The following FABP3 variants were observed in gnomAD, a reference collection of about 807,000 sequenced individuals.
FABP3 encodes fatty acid binding protein 3, also known as fatty acid-binding protein, heart.
FABP3 carries 8 observed loss-of-function variants against 13.4 expected under a neutral mutation model. The ratio of observed to expected loss-of-function variants is 0.60; its 90% CI spans 0.35 to 1.07. FABP3 has a LOEUF of 1.07. FABP3 is among the 50% of genes least tolerant of loss of function. The probability of loss-of-function intolerance (pLI) is 0.02; values close to 1 mark genes in which losing one functional copy is unlikely to be tolerated. For synonymous variants in FABP3, 64 were observed against 60.0 expected (o/e 1.07, Z -0.31); for missense variants, 135 against 164.7 (o/e 0.82, Z 0.99).
At chr1:31,362,178 C>T (rs778275649), downstream of FABP3, among the ~76,000 whole-genome samples, 11 of 151,996 alleles carry the variant, frequency 7.2e-5, no homozygotes, top group Non-Finnish European at 1.6e-4. Context: ...AGATGACTTG[C>T]CCACGGATGC....
At chr1:31,364,301 C>G (rs999856651), downstream of FABP3, 13 of 1,447,658 alleles carry the variant, frequency 9.0e-6, no homozygotes, top group Middle Eastern at 2.6e-4. Context: ...ACCCCATTAA[C>G]TTCGCTCCCA....
intron 1 of FABP3, among the ~76,000 whole-genome samples, chr1:31,371,054 G>C (rs1206216402): frequency 2.0e-5 from 3 of 152,224 alleles, no homozygotes; most frequent in Non-Finnish European, 4.4e-5. Flanking sequence ...CAAAACTGTT[G>C]ACTATTTTCA....
At chr1:31,364,349 G>T (rs3766293), downstream of FABP3, 6,651 of 1,343,978 alleles carry the variant, frequency 4.9e-3, 423 homozygotes, top group East Asian at 0.14. Context: ...GGCAGGTTTG[G>T]GAGTTAGAGG....
chr1:31,364,457 T>G, downstream of FABP3: 1 of 499,930 alleles, frequency 2.0e-6, no homozygotes, highest in Non-Finnish European at 3.4e-6. Context: ...CCCAACTTCC[T>G]TCATTCAGCA....
downstream of FABP3, among the ~76,000 whole-genome samples, chr1:31,363,594 C>A (rs1349222561): frequency 6.6e-6 from 1 of 152,120 alleles, no homozygotes; most frequent in Non-Finnish European, 1.5e-5. Context: ...GAGTTTGAGG[C>A]CAGCCTGGGC....
chr1:31,363,882 T>TG (rs1640026649), downstream of FABP3: 1 of 1,298,612 alleles, frequency 7.7e-7, no homozygotes, highest in South Asian at 1.7e-5. Flanking sequence ...AGGTTGATCT[T>TG]GAACTCCTGG....
At chr1:31,372,562 C>T (rs1464804071) in intron 1 of FABP3, among the ~76,000 whole-genome samples, 1 of 152,186 alleles carries the variant, frequency 6.6e-6, no homozygotes, top group African/African-American at 2.4e-5. Flanking sequence ...GCCCCATTCC[C>T]TTTCTGGGTT....
chr1:31,368,653 A>G (rs2148494935), intron 2 of FABP3, among the ~76,000 whole-genome samples: 1 of 152,348 alleles, frequency 6.6e-6, no homozygotes, highest in South Asian at 2.1e-4. Flanking sequence ...AAAGCCCTTA[A>G]GTTCTCTCGC....
At chr1:31,372,438 T>C (rs918603471) in intron 1 of FABP3, among the ~76,000 whole-genome samples, 6 of 152,176 alleles carry the variant, frequency 3.9e-5, no homozygotes, top group Non-Finnish European at 8.8e-5. Flanking sequence ...TTACTGCAGG[T>C]TCCTGTCTTA....
Position 31,365,884 on chromosome 1 carries a change from G to A in FABP3, c.*2C>T. 6.2e-7 allele frequency: 1 copy of A among 1,613,938 alleles called. No individual in the cohort carries two copies. The highest frequency in any genetic ancestry group is 8.5e-7 in the Non-Finnish European group (1 of 1,179,914). ...GTAGTAGTCAGCAACAGTGCAGTCA[G>A]GTCATGCCTCTTTCTCATAAGTGCG... On this transcript the variant is annotated 3_prime_UTR_variant, in exon 4 of 4. Coordinates refer to ENST00000373713, the MANE Select transcript of FABP3 (RefSeq NM_004102.5).
downstream of FABP3, among the ~76,000 whole-genome samples, chr1:31,360,878 T>G (rs1639860887): frequency 6.6e-6 from 1 of 152,196 alleles, no homozygotes; most frequent in Non-Finnish European, 1.5e-5. Context: ...TACAGACTAT[T>G]ATTGTAAGAT....
chr1:31,368,395 A>C (rs142676784), intron 2 of FABP3, among the ~76,000 whole-genome samples: 1 of 151,962 alleles, frequency 6.6e-6, no homozygotes, highest in Non-Finnish European at 1.5e-5. Flanking sequence ...CCACAGGGCT[A>C]TTGTGTTTAA....
intron 3 of FABP3, 24 bp from the exon 4 acceptor site, chr1:31,365,963 T>C (rs1255215006): frequency 1.2e-6 from 2 of 1,611,768 alleles, no homozygotes; most frequent in Non-Finnish European, 1.7e-6. Flanking sequence ...CAGAGTGAGA[T>C]GGGGGGTGGA....
downstream of FABP3, chr1:31,364,305 GCT>G: frequency 7.0e-7 from 1 of 1,438,708 alleles, no homozygotes; most frequent in Non-Finnish European, 9.2e-7. Flanking sequence ...CATTAACTTC[GCT>G]CCCATGGGAG....
At chr1:31,367,815 C>T (rs368052475) in intron 2 of FABP3, among the ~76,000 whole-genome samples, 1 of 152,208 alleles carries the variant, frequency 6.6e-6, no homozygotes, top group Non-Finnish European at 1.5e-5. Context: ...TATCTGTACT[C>T]TAGGTGATTC....
At chr1:31,372,825 C>G (rs866632191) in intron 1 of FABP3, 117 bp downstream of exon 1, 6 of 1,006,158 alleles carry the variant, frequency 6.0e-6, no homozygotes, top group Non-Finnish European at 9.1e-6. Context: ...CTGCCATCTC[C>G]GCGCTCCCCT....
chr1:31,364,004 G>C, downstream of FABP3: 1 of 1,608,376 alleles, frequency 6.2e-7, no homozygotes, highest in Non-Finnish European at 8.5e-7. Context: ...TACACATACA[G>C]TGTTGATTTT....
intron 2 of FABP3, among the ~76,000 whole-genome samples, chr1:31,367,997 C>A (rs1208526270): frequency 6.6e-6 from 1 of 152,192 alleles, no homozygotes; most frequent in African/African-American, 2.4e-5. Context: ...ACTTCCTGCC[C>A]TGTATTCCTA....
At chr1:31,364,214 G>A (rs1193651869), downstream of FABP3, 1 of 1,598,994 alleles carries the variant, frequency 6.3e-7, no homozygotes, top group South Asian at 1.1e-5. Context: ...AGTGTAGGGG[G>A]TGGTTGAGAG....
Sources: gnomAD v4.1 joint callset for allele counts (sites outside exome capture counted in the v4.1 genomes callset) on GRCh38, gnomAD v4.1.1 for gene constraint, MANE v1.5 for transcripts, NCBI Gene and HGNC (gene_info 2026-07-23, HGNC 2026-07-21) for gene names.